EYA4: variants seen among roughly 807,000 people sequenced by gnomAD.
The protein encoded by EYA4 is protein phosphatase EYA4.
In EYA4, 31 loss-of-function variants were observed where a neutral mutation model predicts 87.9. The observed-to-expected ratio is 0.35, with a 90% CI of 0.27 to 0.48. EYA4 has a LOEUF of 0.48. Ranked by LOEUF, EYA4 falls within the 20% of genes least tolerant of loss-of-function variation. The probability of loss-of-function intolerance (pLI) is 0.99; values close to 1 mark genes in which losing one functional copy is unlikely to be tolerated. For missense variants in EYA4, 678 were observed against 761.4 expected, an observed-to-expected ratio of 0.89 and a Z score of 1.29; for synonymous variants, 263 against 270.6, an observed-to-expected ratio of 0.97 and a Z score of 0.28.
rs11450141 is a variant in EYA4 at position 133,461,810 on chromosome 6, CT to C, written c.438-507del. 3.2e-3 allele frequency among the ~76,000 whole-genome samples: 412 copies of C among 129,872 alleles called. 3 individuals are homozygous for C. Among genetic ancestry groups the C allele is most frequent in the Middle Eastern group, 0.026 (6 of 230 alleles). 85.2% of individuals were successfully genotyped at this position (129,872 alleles called of 152,430 possible). ...TGGCATGATGAAAGGAATGATGTTC[CT>C]TTTTTTTTTTTTTTTTTAAGGAAGC... On this transcript the variant is annotated intron_variant, in intron 7 of 19. Transcript: ENST00000355286.
chr6:133,488,779 G>T (rs1796893331), intron 13 of EYA4, among the ~76,000 whole-genome samples: 1 of 152,060 alleles, frequency 6.6e-6, no homozygotes, highest in Admixed American at 6.5e-5. Context: ...TACCTCAAAA[G>T]CCTTCCCAAA....
chr6:133,400,492 A>G (rs1023467425), intron 3 of EYA4, among the ~76,000 whole-genome samples: 28 of 98,260 alleles, frequency 2.8e-4, no homozygotes, highest in African/African-American at 6.3e-4. Context: ...TGGGTGACAA[A>G]GCAAGACTCT....
At chr6:133,295,203 G>A (rs1291760553) in intron 2 of EYA4, among the ~76,000 whole-genome samples, 1 of 152,130 alleles carries the variant, frequency 6.6e-6, no homozygotes, top group South Asian at 2.1e-4. Flanking sequence ...CTCTTCAAAT[G>A]ATCAGCTCCA....
At chr6:133,509,004 G>A (rs1453523849) in intron 14 of EYA4, among the ~76,000 whole-genome samples, 1 of 152,170 alleles carries the variant, frequency 6.6e-6, no homozygotes, top group Non-Finnish European at 1.5e-5. Context: ...TTGAGTTTCT[G>A]CAGATAAATT....
chr6:133,284,898 G>T (rs1193850828), intron 2 of EYA4, among the ~76,000 whole-genome samples: 1 of 152,062 alleles, frequency 6.6e-6, no homozygotes, highest in African/African-American at 2.4e-5. Context: ...ATAGTAATAA[G>T]TGCAAGGAGA....
Position 133,446,653 on chromosome 6 carries a change from C to T in EYA4, c.107C>T (p.Ala36Val). ...NSRSMEMQDL[A>V]SPHTLVGGGD... is the part of the protein sequence containing the mutation. Reference sequence around the variant, plus strand: ...AGGTCTATGGAAATGCAGGACCTAGCAAGTCCTCATACTCTTGTTGGAGGT... The same window carrying T: ...AGGTCTATGGAAATGCAGGACCTAGTAAGTCCTCATACTCTTGTTGGAGGT... Residue 36 changes from alanine (A) to valine (V), a missense_variant, in exon 4 of 20, where the codon GCA becomes GTA. Transcript: ENST00000355286. 6.2e-7 allele frequency: 1 copy of T among 1,613,638 alleles called. No individual in the cohort carries two copies. The highest frequency in any genetic ancestry group is 8.5e-7 in the Non-Finnish European group (1 of 1,179,598).
chr6:133,360,859 T>TAGCATAGAGATTGGGATGTTTATGGA (rs1784398429), intron 2 of EYA4, among the ~76,000 whole-genome samples: 1 of 152,184 alleles, frequency 6.6e-6, no homozygotes, highest in South Asian at 2.1e-4. Flanking sequence ...GGTCCTGAAA[T>TAGCATAGAGATTGGGATGTTTATGGA]AGCATAGAGA....
intron 1 of EYA4, among the ~76,000 whole-genome samples, chr6:133,257,178 A>C (rs541660056): frequency 6.6e-6 from 1 of 152,296 alleles, no homozygotes; most frequent in South Asian, 2.1e-4. Context: ...GATTTGTTAT[A>C]TATTTCCAGA....
chr6:133,524,976 T>C, intron 18 of EYA4, 178 bp from the exon 19 acceptor site: 2 of 1,519,660 alleles, frequency 1.3e-6, no homozygotes, highest in African/African-American at 1.4e-5. Context: ...GGTTAATGAA[T>C]GCAGTGGCTG....
At chr6:133,433,365 T>C (rs978960346) in intron 3 of EYA4, among the ~76,000 whole-genome samples, 2 of 152,168 alleles carry the variant, frequency 1.3e-5, no homozygotes, top group Admixed American at 1.3e-4. Flanking sequence ...TGCCAGAGGC[T>C]CGGATATTTA....
intron 3 of EYA4, 93 bp from the exon 4 acceptor site, chr6:133,446,537 T>G: frequency 6.3e-4 from 869 of 1,369,440 alleles, no homozygotes; most frequent in Non-Finnish European, 8.2e-4. Flanking sequence ...ATTATTACTG[T>G]GAGATCACGT....
intron 3 of EYA4, among the ~76,000 whole-genome samples, chr6:133,429,379 A>C (rs1441151023): frequency 6.6e-6 from 1 of 152,208 alleles, no homozygotes; most frequent in Non-Finnish European, 1.5e-5. Flanking sequence ...AGGAGGGAGA[A>C]AGGTTGAGGA....
chr6:133,379,155 C>G (rs979500914), intron 2 of EYA4, among the ~76,000 whole-genome samples: 7 of 151,882 alleles, frequency 4.6e-5, no homozygotes, highest in African/African-American at 1.7e-4. Context: ...ACCTGTAGAC[C>G]CAGTTACGTG....
intron 3 of EYA4, among the ~76,000 whole-genome samples, chr6:133,401,660 C>A (rs17062457): frequency 6.6e-6 from 1 of 152,178 alleles, no homozygotes; most frequent in South Asian, 2.1e-4. Flanking sequence ...CGTTTAACCC[C>A]GAAATCTGGT....
chr6:133,342,994 C>T (rs576556461), intron 2 of EYA4, among the ~76,000 whole-genome samples: 4 of 152,158 alleles, frequency 2.6e-5, no homozygotes, highest in Admixed American at 6.5e-5. Context: ...TTTATAGAGA[C>T]GTGAACAGTT....
rs915868937 is a variant in EYA4, at chr6:133,382,513, C to A, written c.83+72C>A. On this transcript the variant is annotated intron_variant, in intron 3 of 19. Coordinates refer to ENST00000355286, the MANE Select transcript of EYA4 (RefSeq NM_004100.5). ...TCGGAGCACTAGTAAGATGTTATAC[C>A]TGAGACACAATTGTGATTTGAAACA... 50 of 981,558 alleles carry A rather than the reference C, an allele frequency of 5.1e-5. No homozygotes were observed. The Middle Eastern group carries it at 1.6e-3, about 32-fold the overall frequency. The allele number at this position is 981,558 out of a possible 1,614,324, so 60.8% of individuals were successfully genotyped here. A position where few individuals can be genotyped will look rare whatever the true frequency, so the allele number is the denominator to read the frequency against.
chr6:133,309,905 AT>A (rs969973661), intron 2 of EYA4, among the ~76,000 whole-genome samples: 2 of 152,142 alleles, frequency 1.3e-5, no homozygotes, highest in African/African-American at 4.8e-5. Context: ...AGTTTCTGGG[AT>A]TTGTAGGAGA....
At chr6:133,445,785 T>A (rs1792769265) in intron 3 of EYA4, among the ~76,000 whole-genome samples, 1 of 152,046 alleles carries the variant, frequency 6.6e-6, no homozygotes, top group Admixed American at 6.6e-5. Context: ...TTTCACCGTG[T>A]TAGCCAGGAT....
chr6:133,497,124 C>A (rs752244257), intron 13 of EYA4, among the ~76,000 whole-genome samples: 1 of 152,092 alleles, frequency 6.6e-6, no homozygotes, highest in Non-Finnish European at 1.5e-5. Context: ...TTTCCCATCA[C>A]CCTGTGTGAT....
Sources: gnomAD v4.1 joint callset for allele counts (sites outside exome capture counted in the v4.1 genomes callset) on GRCh38, gnomAD v4.1.1 for gene constraint, MANE v1.5 for transcripts, NCBI Gene and HGNC (gene_info 2026-07-23, HGNC 2026-07-21) for gene names.